KDR: variants seen among roughly 807,000 people sequenced by gnomAD.
KDR encodes vascular endothelial growth factor receptor 2.
Under a neutral mutation model 160.9 loss-of-function variants are expected in KDR, and 43 were observed. The ratio of observed to expected loss-of-function variants is 0.27; its 90% confidence interval spans 0.21 to 0.34. The LOEUF (loss-of-function observed/expected upper bound fraction) is 0.34, where lower values mean the gene tolerates loss of function less well. Among genes scored for constraint, KDR ranks in the 10% least tolerant of loss-of-function variants. The pLI, the probability that KDR is intolerant of heterozygous loss-of-function variation, is 1.00. For missense variants in KDR, 1,469 were observed against 1,666.4 expected, an observed-to-expected ratio of 0.88 and a Z score of 2.06; for synonymous variants, 617 against 600.1, an observed-to-expected ratio of 1.03 and a Z score of -0.41.
In KDR at chr4:55,089,953, T is replaced by C. The variant is rs1391088636; in HGVS notation, c.3192+3A>G. 6.2e-7 allele frequency: 1 copy of C among 1,614,144 alleles called. No individual in the cohort carries two copies. The highest frequency in any genetic ancestry group is 8.5e-7 in the Non-Finnish European group (1 of 1,179,982). On this transcript the variant is annotated splice_donor_region_variant and intron_variant, in intron 23 of 29. Transcript: ENST00000263923. ...AAGCACTGGGTTCATATTTGAAACTTACATCTCCTTTTCTGACATAATCTG... is the reference window on the plus strand; with the variant it reads ...AAGCACTGGGTTCATATTTGAAACTCACATCTCCTTTTCTGACATAATCTG...
chr4:55,121,912 A>G (rs1320041452), intron 1 of KDR, among the ~76,000 whole-genome samples: 1 of 133,528 alleles, frequency 7.5e-6, no homozygotes, highest in Non-Finnish European at 1.6e-5. Context: ...CATTAGCATT[A>G]CCCTTTTTTT....
intron 14 of KDR, 152 bp downstream of exon 14, chr4:55,102,210 C>T (rs942442661): frequency 2.5e-5 from 31 of 1,230,170 alleles, no homozygotes; most frequent in Non-Finnish European, 3.2e-5. Flanking sequence ...TCAACAGGGC[C>T]CCATACTCCA....
At chr4:55,119,203 C>G (rs767956779) in intron 2 of KDR, among the ~76,000 whole-genome samples, 1 of 140,078 alleles carries the variant, frequency 7.1e-6, no homozygotes, top group Non-Finnish European at 1.5e-5. Flanking sequence ...GGCAACCCTG[C>G]CTCAAAAAAA....
At chr4:55,082,324 T>TG (rs1168776074) in intron 28 of KDR, among the ~76,000 whole-genome samples, 4 of 152,214 alleles carry the variant, frequency 2.6e-5, no homozygotes. Flanking sequence ...TTAGTGAAAT[T>TG]GGTCAGAAAG....
At chr4:55,105,083 T>C (rs900680297) in intron 12 of KDR, 99 bp from the exon 13 acceptor site, 7 of 979,318 alleles carry the variant, frequency 7.1e-6, no homozygotes, top group Non-Finnish European at 1.1e-5. Flanking sequence ...CCAAAAGAAA[T>C]GAAGCTCTAT....
rs1295786497 is a variant in KDR, at chr4:55,088,966, T to C, written c.3412A>G (p.Thr1138Ala). The part of the protein sequence containing the change: ...PDYTTPEMYQ[T>A]MLDCWHGEPS... ...TCCCCGTGCCAGCAGTCCAGCATGG[T>C]CTGGTACCTAGAGAAGCAAAACACT... Residue 1138 changes from threonine to alanine, a missense_variant, in exon 26 of 30, where the codon ACC (threonine) becomes GCC (alanine). Physicochemically the swap from Thr to Ala is moderately conservative, Grantham distance 58 (BLOSUM62 0). This residue lies in a region of KDR where 132 missense variants were observed against 195.9 expected (regional missense o/e 0.67). Coordinates refer to ENST00000263923, the MANE Select transcript of KDR (RefSeq NM_002253.4). The C allele has an allele frequency of 6.2e-7, 1 of 1,611,822 alleles. No individual in the cohort carries two copies. Among genetic ancestry groups the C allele is most frequent in the East Asian group, 2.2e-5 (1 of 44,864 alleles).
At chr4:55,087,831 G>A (rs111398067) in intron 26 of KDR, 73 bp from the exon 27 acceptor site, 2 of 1,438,232 alleles carry the variant, frequency 1.4e-6, no homozygotes, top group East Asian at 2.3e-5. Flanking sequence ...AAAACAAAGG[G>A]CACAGGGACT....
In KDR at chr4:55,115,410, A is replaced by C; in HGVS notation, c.360T>G (p.Asp120Glu). ...LASVIYVYVQ[D>E]YRSPFIASVS... Reference sequence around the variant, plus strand: ...CAGAAGCAATAAATGGAGATCTGTAATCTAGAAGAAAATTTAGTTTTATTA... The same window carrying C: ...CAGAAGCAATAAATGGAGATCTGTACTCTAGAAGAAAATTTAGTTTTATTA... Residue 120 changes from aspartate (D) to glutamate (E), a missense_variant and splice_region_variant, in exon 4 of 30, where the codon GAT (aspartate) becomes GAG (glutamate). Around this residue, in one of 7 missense-constraint regions of KDR, gnomAD observed 792 missense variants for 840.9 expected, o/e 0.94. Coordinates refer to ENST00000263923, the MANE Select transcript of KDR (RefSeq NM_002253.4). 1 of 1,498,568 alleles carries C rather than the reference A, an allele frequency of 6.7e-7. No homozygotes were observed. The allele number at this position is 1,498,568 out of a possible 1,614,324, so 92.8% of individuals were successfully genotyped here. A position where few individuals can be genotyped will look rare whatever the true frequency, so the allele number is the denominator to read the frequency against.
Position 55,104,861 on chromosome 4 carries a change from G to C in KDR, c.1769C>G (p.Pro590Arg), listed in dbSNP as rs1213197083. Reference sequence around the variant, plus strand: ...CAACTCTCCCACATGGATTGGCAGAGGCTGTGGGCCAAGCTTGTACCATGT... The same window carrying C: ...CAACTCTCCCACATGGATTGGCAGACGCTGTGGGCCAAGCTTGTACCATGT... Reference protein sequence around the residue: ...NLTWYKLGPQPLPIHVGELPT... With the variant: ...NLTWYKLGPQRLPIHVGELPT... The change falls in exon 13 of 30, where the codon CCT becomes CGT. Residue 590 changes from proline (P) to arginine (R), a missense_variant. By Grantham distance (103) the Pro-to-Arg change is moderately radical (BLOSUM62 -2). Transcript: ENST00000263923. 1.2e-6 allele frequency: 2 copies of C among 1,613,996 alleles called. No homozygotes were observed. Among genetic ancestry groups the C allele is most frequent in the Non-Finnish European group, 1.7e-6 (2 of 1,179,910 alleles).
At chr4:55,092,505 G>A (rs1221562368) in intron 22 of KDR, 112 bp downstream of exon 22, 8 of 790,158 alleles carry the variant, frequency 1.0e-5, no homozygotes, top group Non-Finnish European at 1.8e-5. Context: ...AAAAGACGTA[G>A]AAGTGGTGAA....
Position 55,106,793 on chromosome 4 carries a change from G to C in KDR, c.1430C>G (p.Thr477Arg). The change falls in exon 11 of 30, where the codon ACA becomes AGA. Residue 477 changes from threonine to arginine, a missense_variant. Physicochemically the swap from Thr to Arg is moderately conservative, Grantham distance 71 (BLOSUM62 -1). Around this residue, in one of 7 missense-constraint regions of KDR, gnomAD observed 792 missense variants for 840.9 expected, o/e 0.94. Transcript: ENST00000263923. The stretch of plus-strand genomic sequence containing the variant: ...CCATTCTTCACAAGGGTATGGGTTT[G>C]TCACTGAGACAGCTTGGCTATAAGA... ...ANEPSQAVSV[T>R]NPYPCEEWRS... 1 of 1,607,654 alleles carries C rather than the reference G, an allele frequency of 6.2e-7. No individual in the cohort carries two copies. Among genetic ancestry groups the C allele is most frequent in the African/African-American group, 1.3e-5 (1 of 74,940 alleles).
At chr4:55,114,384 G>C in intron 5 of KDR, 119 bp from the exon 6 acceptor site, 4 of 1,064,820 alleles carry the variant, frequency 3.8e-6, no homozygotes, top group Non-Finnish European at 4.2e-6. Context: ...TTTCCCTGCA[G>C]GCCTCACCAA....
intron 27 of KDR, among the ~76,000 whole-genome samples, chr4:55,085,133 T>C (rs28387674): frequency 0.11 from 16,509 of 152,080 alleles, 1,634 homozygotes; most frequent in African/African-American, 0.27. Flanking sequence ...GACAGAGCAA[T>C]TGCCGATGGT....
rs770086421 is a variant in KDR at position 55,087,737 on chromosome 4, GAAC to G, written c.3529_3531del (p.Val1177del). 2 of 1,614,166 alleles carry G rather than the reference GAAC, an allele frequency of 1.2e-6. No individual in the cohort carries two copies. Among genetic ancestry groups the G allele is most frequent in the East Asian group, 4.5e-5 (2 of 44,886 alleles). On this transcript the variant is annotated inframe_deletion, in exon 27 of 30. Coordinates refer to ENST00000263923, the MANE Select transcript of KDR (RefSeq NM_002253.4). ...ATGCTCAAAGTCTCTGATATCGGAA[GAAC>G]AATGTAGTCTTTGCCATCCTGAAAC...
At position 55,087,588 on chromosome 4, in the gene KDR, G is replaced by A. The variant is rs376242865; in HGVS notation, c.3662+19C>T. 8.2e-5 allele frequency: 132 copies of A among 1,613,066 alleles called. No homozygotes were observed. The highest frequency in any genetic ancestry group is 1.0e-4 in the Non-Finnish European group (121 of 1,179,244). On this transcript the variant is annotated intron_variant, in intron 27 of 29. Transcript: ENST00000263923. ...TTGAAGTCACCCTCCCCCGGGGGAT[G>A]TTAGGCCATATACAGTACCTGATTC... is the stretch of plus-strand genomic sequence containing the variant.
chr4:55,114,662 A>G (rs913273691), intron 5 of KDR, among the ~76,000 whole-genome samples: 11 of 152,226 alleles, frequency 7.2e-5, no homozygotes, highest in South Asian at 4.1e-4. Flanking sequence ...CTTTTTTTAA[A>G]AAGTTTTCTT....
chr4:55,091,314 C>T (rs1364427441), intron 22 of KDR, among the ~76,000 whole-genome samples: 1 of 152,132 alleles, frequency 6.6e-6, no homozygotes, highest in Non-Finnish European at 1.5e-5. Flanking sequence ...AAAAAACAGA[C>T]AGTGTTTTTG....
rs1258120526 is a variant in KDR, at chr4:55,079,042, G to A, written c.*899C>T. On this transcript the variant is annotated 3_prime_UTR_variant, in exon 30 of 30. Transcript: ENST00000263923. ...TTCAGTCTCAGACATATCACATCAGGACAGATATGAGGGTATTCATTCCAG... is the reference window on the plus strand; with the variant it reads ...TTCAGTCTCAGACATATCACATCAGAACAGATATGAGGGTATTCATTCCAG... 2 of 233,142 alleles carry A rather than the reference G, an allele frequency of 8.6e-6. No individual in the cohort carries two copies. The highest frequency in any genetic ancestry group is 1.7e-5 in the Non-Finnish European group (2 of 118,078). The allele number at this position is 233,142 out of a possible 1,614,324, so 14.4% of individuals were successfully genotyped here. A position where few individuals can be genotyped will look rare whatever the true frequency, so the allele number is the denominator to read the frequency against.
At chr4:55,108,937 A>G (rs1720507663) in intron 9 of KDR, among the ~76,000 whole-genome samples, 1 of 152,172 alleles carries the variant, frequency 6.6e-6, no homozygotes, top group African/African-American at 2.4e-5. Context: ...TAGTGGCTTC[A>G]TGAACTGATG....
Sources: allele counts gnomAD v4.1 joint callset (sites outside exome capture counted in the v4.1 genomes callset), GRCh38; gene constraint gnomAD v4.1.1; regional missense constraint gnomAD v4.1.1; transcripts MANE v1.5; gene names NCBI Gene and HGNC (gene_info 2026-07-23, HGNC 2026-07-21).